The following STPG2 variants were observed in gnomAD, a reference collection of about 807,000 sequenced individuals.
The protein encoded by STPG2 is sperm tail PG-rich repeat containing 2, also known as sperm-tail PG-rich repeat-containing protein 2.
STPG2 carries 56 observed loss-of-function variants against 54.2 expected under a neutral mutation model. The observed-to-expected ratio is 1.03, with a 90% CI of 0.83 to 1.29. The LOEUF (loss-of-function observed/expected upper bound fraction) is 1.29. Among genes scored for constraint, STPG2 ranks in the 50% most tolerant of loss-of-function variants. The pLI, the probability that STPG2 is intolerant of heterozygous loss-of-function variation, is 0.00. For missense variants in STPG2, 596 were observed against 544.9 expected (o/e 1.09, Z -0.93); for synonymous variants, 200 against 181.8 (o/e 1.10, Z -0.81).
intron 8 of STPG2, among the ~76,000 whole-genome samples, chr4:97,850,826 T>C (rs1729136616): frequency 6.6e-6 from 1 of 152,110 alleles, no homozygotes; most frequent in Admixed American, 6.6e-5. Flanking sequence ...ACATTGATAT[T>C]CTAAATAAAA....
rs564724685 is a variant in STPG2, at chr4:98,101,551, C to A, written c.612+4402G>T. ...TTGAGCCTCATTTTCTAGGTAGCAG[C>A]CAGAAAACTGGCCAGTCATCAGAAT... On this transcript the variant is annotated intron_variant, in intron 5 of 10. Coordinates refer to ENST00000295268, the MANE Select transcript of STPG2 (RefSeq NM_174952.3). 5.3e-5 allele frequency among the ~76,000 whole-genome samples: 8 copies of A among 152,172 alleles called. No individual in the cohort carries two copies. The East Asian group carries it at 1.5e-3, about 29-fold the overall frequency.
intron 5 of STPG2, among the ~76,000 whole-genome samples, chr4:98,011,147 T>C (rs1224385285): frequency 6.6e-6 from 1 of 152,122 alleles, no homozygotes; most frequent in Admixed American, 6.6e-5. Flanking sequence ...TGTGTGTTTT[T>C]CCCCTCCCTA....
intron 5 of STPG2, among the ~76,000 whole-genome samples, chr4:98,067,770 T>C (rs969048): frequency 0.39 from 59,964 of 152,006 alleles, 12,051 homozygotes; most frequent in Middle Eastern, 0.46. Flanking sequence ...AAAGCAGTTT[T>C]CTGATAAACA....
intron 9 of STPG2, among the ~76,000 whole-genome samples, chr4:97,741,020 G>A (rs750391940): frequency 3.9e-5 from 6 of 152,032 alleles, no homozygotes; most frequent in Non-Finnish European, 5.9e-5. Context: ...CAGAGATATA[G>A]ATCAATGGAA....
chr4:97,854,862 A>G (rs1423003319), intron 8 of STPG2, among the ~76,000 whole-genome samples: 1 of 152,122 alleles, frequency 6.6e-6, no homozygotes, highest in Non-Finnish European at 1.5e-5. Flanking sequence ...TATTAAGCCC[A>G]GTATCCATTA....
intron 4 of STPG2, among the ~76,000 whole-genome samples, chr4:97,455,651 G>C (rs919437457): frequency 6.6e-6 from 1 of 152,170 alleles, no homozygotes; most frequent in African/African-American, 2.4e-5. Flanking sequence ...CATTCTCCAA[G>C]CTCACATGTG....
intron 8 of STPG2, among the ~76,000 whole-genome samples, chr4:97,852,590 G>A (rs1729195740): frequency 6.6e-6 from 1 of 152,090 alleles, no homozygotes; most frequent in Admixed American, 6.5e-5. Flanking sequence ...GGTAATGGTG[G>A]GCAGGATGAT....
At chr4:97,566,674 C>T (rs1732455606) in intron 10 of STPG2, among the ~76,000 whole-genome samples, 1 of 152,010 alleles carries the variant, frequency 6.6e-6, no homozygotes, top group South Asian at 2.1e-4. Context: ...AAATGTGGCA[C>T]ATATACACCA....
intron 5 of STPG2, among the ~76,000 whole-genome samples, chr4:98,055,481 A>G (rs1235675404): frequency 6.6e-6 from 1 of 152,178 alleles, no homozygotes; most frequent in East Asian, 1.9e-4. Flanking sequence ...GAACCGCAAC[A>G]GCACTGAGGG....
intron 10 of STPG2, among the ~76,000 whole-genome samples, chr4:97,619,747 C>T (rs984371255): frequency 6.6e-6 from 1 of 151,956 alleles, no homozygotes; most frequent in Non-Finnish European, 1.5e-5. Context: ...TTCTCTCTTG[C>T]CCTTCCTAAG....
rs552259319 is a variant in STPG2 at position 97,967,635 on chromosome 4, G to A, written c.933+4645C>T. ...AAAACACTCCTCAGCAAATGCAAAAGAACAGAAATCACAAAAAAACTGTCT... is the reference window on the plus strand; with the variant it reads ...AAAACACTCCTCAGCAAATGCAAAAAAACAGAAATCACAAAAAAACTGTCT... On this transcript the variant is annotated intron_variant, in intron 7 of 10. Transcript: ENST00000295268. Among the ~76,000 whole-genome samples, 407 of 152,172 alleles carry A rather than the reference G, an allele frequency of 2.7e-3. 5 individuals carry two copies. The Middle Eastern group carries it at 0.031, about 11-fold the overall frequency.
At chr4:97,547,297 G>A (rs113297179) in intron 4 of STPG2, among the ~76,000 whole-genome samples, 4 of 150,882 alleles carry the variant, frequency 2.7e-5, no homozygotes, top group Admixed American at 6.6e-5. Flanking sequence ...TGCAAGCTCC[G>A]CCTCCTGGGT....
At chr4:97,894,501 T>C (rs1730888100) in intron 8 of STPG2, among the ~76,000 whole-genome samples, 1 of 151,946 alleles carries the variant, frequency 6.6e-6, no homozygotes, top group South Asian at 2.1e-4. Flanking sequence ...TGTAACTTTG[T>C]CTTCTAGCAA....
chr4:97,851,866 T>C (rs1729168892), intron 8 of STPG2, among the ~76,000 whole-genome samples: 1 of 152,162 alleles, frequency 6.6e-6, no homozygotes, highest in Non-Finnish European at 1.5e-5. Context: ...TAAAGTAAAA[T>C]ACAAGAACAG....
chr4:97,926,012 C>T (rs1461635630), intron 8 of STPG2, among the ~76,000 whole-genome samples: 1 of 152,162 alleles, frequency 6.6e-6, no homozygotes, highest in Non-Finnish European at 1.5e-5. Flanking sequence ...TTTCCAATAT[C>T]CATAATTCCT....
chr4:97,914,835 G>A (rs1560587201), intron 8 of STPG2, among the ~76,000 whole-genome samples: 2 of 152,286 alleles, frequency 1.3e-5, no homozygotes, highest in East Asian at 3.9e-4. Flanking sequence ...TCCCATTTCA[G>A]ATTTGGGATG....
At chr4:97,465,112 G>A (rs1319134336) in intron 4 of STPG2, among the ~76,000 whole-genome samples, 1 of 152,106 alleles carries the variant, frequency 6.6e-6, no homozygotes, top group Admixed American at 6.6e-5. Context: ...ATGAATATGT[G>A]GGTTAGAAAG....
intron 8 of STPG2, among the ~76,000 whole-genome samples, chr4:97,844,934 C>T (rs2149125204): frequency 6.6e-6 from 1 of 151,928 alleles, no homozygotes; most frequent in South Asian, 2.1e-4. Context: ...ATGTCTTCTG[C>T]CCTCTCAAAT....
chr4:97,863,468 CA>C (rs952177940), intron 8 of STPG2, among the ~76,000 whole-genome samples: 2 of 151,624 alleles, frequency 1.3e-5, no homozygotes, highest in African/African-American at 2.4e-5. Flanking sequence ...GCTTACCAAC[CA>C]AAAAAAAGTC....
Sources: gnomAD v4.1 joint callset for allele counts (sites outside exome capture counted in the v4.1 genomes callset) on GRCh38, gnomAD v4.1.1 for gene constraint, MANE v1.5 for transcripts, NCBI Gene and HGNC (gene_info 2026-07-23, HGNC 2026-07-21) for gene names.